ALDH1L1: variants seen among roughly 807,000 people sequenced by gnomAD.
ALDH1L1 encodes aldehyde dehydrogenase 1 family member L1.
In ALDH1L1, 68 loss-of-function variants were observed where a neutral mutation model predicts 101.1. The observed-to-expected ratio is 0.67, with a 90% confidence interval of 0.55 to 0.82. The LOEUF (loss-of-function observed/expected upper bound fraction) is 0.82, where lower values mean the gene tolerates loss of function less well. ALDH1L1 is among the 40% of genes least tolerant of loss of function. ALDH1L1 has a pLI of 0.00. For synonymous variants in ALDH1L1, 486 were observed against 470.8 expected (o/e 1.03, Z -0.42); for missense variants, 1,087 against 1,172.7 (o/e 0.93, Z 1.07).
Position 126,105,902 on chromosome 3 carries a change from C to T in ALDH1L1, c.2477G>A (p.Arg826Gln), listed in dbSNP as rs760592282. ...CAGGCCAAATTCCGTGGCATTGGCC[C>T]GAGACAGCACGGCATCCAAGTCCCT... ...ADGDLDAVLS[R>Q]ANATEFGLAS... Residue 826 changes from arginine to glutamine, a missense_variant, in exon 22 of 23, where the codon CGG becomes CAG. Physicochemically the swap from Arg to Gln is conservative, Grantham distance 43. Around this residue, in one of 2 missense-constraint regions of ALDH1L1, gnomAD observed 442 missense variants for 535.7 expected, o/e 0.83. Coordinates refer to ENST00000393434, the MANE Select transcript of ALDH1L1 (RefSeq NM_012190.4). The T allele has an allele frequency of 1.6e-5, 26 of 1,613,422 alleles. No homozygotes were observed. Among genetic ancestry groups the T allele is most frequent in the African/African-American group, 6.7e-5 (5 of 74,918 alleles).
chr3:126,104,021 T>A (rs1197862184), intron 22 of ALDH1L1, 175 bp from the exon 23 acceptor site: 9 of 673,096 alleles, frequency 1.3e-5, no homozygotes, highest in Admixed American at 2.5e-5. Context: ...TCCCTGGCAG[T>A]GGATAGTGGG....
At chr3:126,196,254 C>A (rs2081581388) in intron 1 of ALDH1L1, among the ~76,000 whole-genome samples, 1 of 152,058 alleles carries the variant, frequency 6.6e-6, no homozygotes, top group South Asian at 2.1e-4. Flanking sequence ...AGCTGGAAGG[C>A]AAAACCGACC....
At position 126,141,687 on chromosome 3, in the gene ALDH1L1, T is replaced by C. The variant is rs184508754; in HGVS notation, c.1077-3727A>G. Among the ~76,000 whole-genome samples, 327 of 152,140 alleles carry C rather than the reference T, an allele frequency of 2.1e-3. No homozygotes were observed. In the Middle Eastern group the frequency reaches 0.024, roughly 11 times the overall value. ...TAAAAACACAACATACCAAAACTTA[T>C]GAGAGGCGGGGAAAGTAGTGCTAAG... On this transcript the variant is annotated intron_variant, in intron 9 of 22. Transcript: ENST00000393434.
chr3:126,114,499 G>A (rs1432749336), intron 18 of ALDH1L1, 58 bp downstream of exon 18: 1 of 1,351,492 alleles, frequency 7.4e-7, no homozygotes, highest in Non-Finnish European at 9.8e-7. Flanking sequence ...GGGCCTCCTG[G>A]TCCCTACAGT....
In ALDH1L1 at chr3:126,120,580, T is replaced by C. The variant is rs141941852; in HGVS notation, c.1889-2482A>G. Reference sequence around the variant, plus strand: ...ACCCATGGAATGTACAACCCAAGAGTGACCCCTAAACTACGGACTTCGGGG... The same window carrying C: ...ACCCATGGAATGTACAACCCAAGAGCGACCCCTAAACTACGGACTTCGGGG... On this transcript the variant is annotated intron_variant, in intron 16 of 22. Transcript: ENST00000393434. Among the ~76,000 whole-genome samples, 834 of 152,164 alleles carry C rather than the reference T, an allele frequency of 5.5e-3. 8 individuals are homozygous for C. The highest frequency in any genetic ancestry group is 0.018 in the African/African-American group (763 of 41,508).
At chr3:126,139,986 T>C (rs749207771) in intron 9 of ALDH1L1, among the ~76,000 whole-genome samples, 2 of 152,118 alleles carry the variant, frequency 1.3e-5, no homozygotes, top group African/African-American at 4.8e-5. Flanking sequence ...TCTCTAAATA[T>C]GTATTTGAAG....
intron 1 of ALDH1L1, among the ~76,000 whole-genome samples, chr3:126,186,825 A>G (rs537931062): frequency 1.3e-5 from 2 of 152,280 alleles, no homozygotes; most frequent in African/African-American, 4.8e-5. Flanking sequence ...AGCCCACCTC[A>G]TGTTGCTCAG....
In ALDH1L1 at chr3:126,137,639, G is replaced by A. The variant is rs74935167; in HGVS notation, c.1224+174C>T. 3.2e-3 allele frequency among the ~76,000 whole-genome samples: 481 copies of A among 152,270 alleles called. 2 individuals are homozygous for A. The highest frequency in any genetic ancestry group is 0.011 in the African/African-American group (438 of 41,554). On this transcript the variant is annotated intron_variant, in intron 10 of 22. Coordinates refer to ENST00000393434, the MANE Select transcript of ALDH1L1 (RefSeq NM_012190.4). ...CATCCTCTGGCAAGCTGGCCCCACT[G>A]TACTGACATCCCCAGGCTATCCCGG...
chr3:126,175,241 G>A (rs1005414820), intron 1 of ALDH1L1, among the ~76,000 whole-genome samples: 1 of 152,098 alleles, frequency 6.6e-6, no homozygotes, highest in African/African-American at 2.4e-5. Flanking sequence ...AAGAACTGGA[G>A]CCAGTAGCCT....
In ALDH1L1 at chr3:126,168,915, T is replaced by C. The variant is rs561978965; in HGVS notation, c.-23-7913A>G. Among the ~76,000 whole-genome samples the C allele has an allele frequency of 2.9e-4, 44 of 152,322 alleles. 1 individual carries two copies. The South Asian group carries it at 7.7e-3, about 27-fold the overall frequency. On this transcript the variant is annotated intron_variant, in intron 1 of 22. Coordinates refer to ENST00000393434, the MANE Select transcript of ALDH1L1 (RefSeq NM_012190.4). ...AACAACCACATTTCTTTGTCAATTG[T>C]GTTTCTAACAGTATCCAAACTAGAC...
intron 16 of ALDH1L1, 121 bp downstream of exon 16, chr3:126,124,243 C>T: frequency 2.3e-6 from 2 of 866,012 alleles, no homozygotes; most frequent in East Asian, 2.9e-5. Context: ...ACAGGCTGGC[C>T]CCCGCCTGGG....
chr3:126,111,879 C>T (rs1277191412), intron 19 of ALDH1L1, among the ~76,000 whole-genome samples: 7 of 152,072 alleles, frequency 4.6e-5, no homozygotes, highest in Non-Finnish European at 1.0e-4. Context: ...TCAGCTTGCT[C>T]CCCCCCTGGT....
chr3:126,137,325 G>A (rs980644995), intron 10 of ALDH1L1, among the ~76,000 whole-genome samples: 1 of 152,052 alleles, frequency 6.6e-6, no homozygotes, highest in African/African-American at 2.4e-5. Context: ...ACACCCTTAG[G>A]TCCACCTTGG....
intron 8 of ALDH1L1, among the ~76,000 whole-genome samples, 170 bp from the exon 9 acceptor site, chr3:126,147,096 A>G (rs537279237): frequency 7.9e-5 from 12 of 152,274 alleles, no homozygotes; most frequent in Non-Finnish European, 1.6e-4. Flanking sequence ...TCCTGGAGTG[A>G]CCACCTTCTG....
At chr3:126,124,149 T>A (rs1239653506) in intron 16 of ALDH1L1, among the ~76,000 whole-genome samples, 2 of 146,234 alleles carry the variant, frequency 1.4e-5, no homozygotes, top group African/African-American at 2.6e-5. Flanking sequence ...ACACACACAC[T>A]GGAATACATT....
chr3:126,136,916 C>T (rs2080459504), intron 10 of ALDH1L1, 33 bp from the exon 11 acceptor site: 5 of 1,612,666 alleles, frequency 3.1e-6, no homozygotes, highest in Non-Finnish European at 3.4e-6. Flanking sequence ...AAGCACAAAC[C>T]CATGCAGGGT....
intron 19 of ALDH1L1, among the ~76,000 whole-genome samples, chr3:126,112,569 G>A (rs1262041190): frequency 6.6e-6 from 1 of 152,174 alleles, no homozygotes; most frequent in African/African-American, 2.4e-5. Context: ...TGTCAGTTTT[G>A]CTACAGGTCT....
At chr3:126,191,612 G>A (rs1210527445) in intron 1 of ALDH1L1, among the ~76,000 whole-genome samples, 1 of 152,190 alleles carries the variant, frequency 6.6e-6, no homozygotes, top group Non-Finnish European at 1.5e-5. Flanking sequence ...GAAAAGCTTG[G>A]AACCCAGGAT....
chr3:126,115,068 G>T (rs922198346), intron 17 of ALDH1L1: 4 of 456,852 alleles, frequency 8.8e-6, no homozygotes, highest in Non-Finnish European at 1.8e-5. Context: ...GGGCAGGCAC[G>T]CATCTGTCTG....
Sources: gnomAD v4.1 joint callset for allele counts (sites outside exome capture counted in the v4.1 genomes callset) on GRCh38, gnomAD v4.1.1 for gene constraint, gnomAD v4.1.1 regional missense constraint, MANE v1.5 for transcripts, NCBI Gene and HGNC (gene_info 2026-07-23, HGNC 2026-07-21) for gene names.